Variants in MED29 observed in about 807,000 individuals in gnomAD.
MED29 encodes mediator of RNA polymerase II transcription subunit 29.
A neutral mutation model predicts 22.0 loss-of-function variants in MED29; 14 were observed. The observed-to-expected ratio is 0.64, with a 90% CI of 0.42 to 0.99. The LOEUF is 0.99. MED29 is among the 50% of genes least tolerant of loss of function. The probability of loss-of-function intolerance (pLI) is 0.00; values close to 1 mark genes in which losing one functional copy is unlikely to be tolerated. For synonymous variants in MED29, 123 were observed against 107.8 expected (o/e 1.14, Z -0.87); for missense variants, 241 against 253.7 (o/e 0.95, Z 0.34).
rs528665810 is a variant in MED29, at chr19:39,395,003, A to T, written c.360+1366A>T. ...AAAGTAGCTGGGACTACAGGCATGCACTGCCATGCCTGGCTAATTTTTGTA... is the reference window on the plus strand; with the variant it reads ...AAAGTAGCTGGGACTACAGGCATGCTCTGCCATGCCTGGCTAATTTTTGTA... On this transcript the variant is annotated intron_variant, in intron 3 of 3. Transcript: ENST00000315588. Among the ~76,000 whole-genome samples, 3 of 151,612 alleles carry T rather than the reference A, an allele frequency of 2.0e-5. No homozygotes were observed. The South Asian group carries it at 6.3e-4, about 32-fold the overall frequency.
chr19:39,393,348 G>A (rs56138629), intron 2 of MED29, among the ~76,000 whole-genome samples: 16,108 of 151,702 alleles, frequency 0.11, 1,022 homozygotes, highest in South Asian at 0.2. Context: ...TGCTCGCCTC[G>A]GACTCCCAAA....
At chr19:39,395,459 C>G (rs1185794655) in intron 3 of MED29, among the ~76,000 whole-genome samples, 1 of 152,102 alleles carries the variant, frequency 6.6e-6, no homozygotes, top group Non-Finnish European at 1.5e-5. Context: ...ATGGCAGGAT[C>G]CAAGGACGCC....
chr19:39,394,978 A>AACCACCC (rs113688915), intron 3 of MED29, among the ~76,000 whole-genome samples: 1 of 150,494 alleles, frequency 6.6e-6, no homozygotes, highest in African/African-American at 2.4e-5. Context: ...CTCCCACCTC[A>AACCACCC]AAGTAGCTGG....
In MED29 at chr19:39,399,372, A is replaced by G. The variant is rs1487093932; in HGVS notation, c.*1673A>G. ...ACACGGTGAAACCCCGACTCTACTA[A>G]AAATACAAAAAATTAGCCGGGTGTG... On this transcript the variant is annotated 3_prime_UTR_variant, in exon 4 of 4. Transcript: ENST00000315588. 1 of 152,158 alleles carries G rather than the reference A, an allele frequency of 6.6e-6. No homozygotes were observed. The highest frequency in any genetic ancestry group is 1.5e-5 in the Non-Finnish European group (1 of 68,030). 9.4% of individuals were successfully genotyped at this position (152,158 alleles called of 1,614,324 possible). A position where few individuals can be genotyped will look rare whatever the true frequency, so the allele number is the denominator to read the frequency against.
intron 3 of MED29, among the ~76,000 whole-genome samples, chr19:39,394,634 G>C (rs2078418585): frequency 7.5e-6 from 1 of 134,210 alleles, no homozygotes; most frequent in South Asian, 2.4e-4. Context: ...CGCGACTTCA[G>C]CTCACTGCAA....
rs939733047 is a variant in MED29, at chr19:39,398,629, A to C, written c.*930A>C. On this transcript the variant is annotated 3_prime_UTR_variant, in exon 4 of 4. Transcript: ENST00000315588. ...AGCAGGCACTGGGGAGGGGGCTTCAAGGAGGGAGTGCCCCCTCAGACTCCC... is the reference window on the plus strand; with the variant it reads ...AGCAGGCACTGGGGAGGGGGCTTCACGGAGGGAGTGCCCCCTCAGACTCCC... 6.6e-6 allele frequency: 1 copy of C among 152,534 alleles called. No homozygotes were observed. Among genetic ancestry groups the C allele is most frequent in the African/African-American group, 2.4e-5 (1 of 41,446 alleles). The allele number at this position is 152,534 out of a possible 1,614,324, so 9.4% of individuals were successfully genotyped here. A position where few individuals can be genotyped will look rare whatever the true frequency, so the allele number is the denominator to read the frequency against.
intron 3 of MED29, 110 bp from the exon 4 acceptor site, chr19:39,397,346 TA>T: frequency 1.6e-6 from 2 of 1,236,362 alleles, no homozygotes; most frequent in Non-Finnish European, 2.3e-6. Context: ...CCTCTGACTC[TA>T]AGACCTGGGA....
chr19:39,394,556 C>CTTTTTTTT (rs775465635), intron 3 of MED29, among the ~76,000 whole-genome samples: 1 of 69,210 alleles, frequency 1.4e-5, no homozygotes, highest in Non-Finnish European at 2.5e-5. Flanking sequence ...TGCACCCGGC[C>CTTTTTTTT]TTTTTTTTTT....
At chr19:39,392,588 T>G (rs2078395848) in intron 2 of MED29, 66 bp downstream of exon 2, 1 of 1,415,802 alleles carries the variant, frequency 7.1e-7, no homozygotes, top group Non-Finnish European at 9.9e-7. Context: ...CATCTTTCCT[T>G]CTCCTGCTCC....
chr19:39,392,477 T>C lies in MED29; in HGVS notation c.230T>C (p.Val77Ala), dbSNP rs1439617364. Reference protein sequence around the residue: ...LKESLQTLMKVAAQNLIQNTN... With the variant: ...LKESLQTLMKAAAQNLIQNTN... ...TGTTTTGACTAGACCTTGATGAAGGTTGCGGCCCAAAACTTGATTCAGAAC... is the reference window on the plus strand; with the variant it reads ...TGTTTTGACTAGACCTTGATGAAGGCTGCGGCCCAAAACTTGATTCAGAAC... Residue 77 changes from valine (V) to alanine (A), a missense_variant, in exon 2 of 4, where the codon GTT becomes GCT. By Grantham distance (64) the Val-to-Ala change is moderately conservative. Transcript: ENST00000315588. The C allele has an allele frequency of 2.5e-6, 4 of 1,614,016 alleles. No homozygotes were observed. Among genetic ancestry groups the C allele is most frequent in the Non-Finnish European group, 2.5e-6 (3 of 1,180,004 alleles).
chr19:39,400,529 C>T lies in MED29; in HGVS notation c.*2830C>T, dbSNP rs1309563855. ...CATCTGCATATGGAGAATCGTGTTA[C>T]TTTATTGAAAAACATTAAAAGTTTG... On this transcript the variant is annotated 3_prime_UTR_variant, in exon 4 of 4. Coordinates refer to ENST00000315588, the MANE Select transcript of MED29 (RefSeq NM_017592.4). The T allele has an allele frequency of 6.6e-6, 1 of 152,148 alleles. No individual in the cohort carries two copies. Among genetic ancestry groups the T allele is most frequent in the African/African-American group, 2.4e-5 (1 of 41,424 alleles). The allele number at this position is 152,148 out of a possible 1,614,324, so 9.4% of individuals were successfully genotyped here.
intron 2 of MED29, among the ~76,000 whole-genome samples, chr19:39,393,068 CTTTCTTTCTTTTCTTTTTTTTTTTTTTT>C (rs2078404938): frequency 4.6e-5 from 4 of 87,562 alleles, no homozygotes; most frequent in Non-Finnish European, 7.0e-5. Flanking sequence ...TTCTTTCTTT[CTTTCTTTCTTTTCTTTTTTTTTTTTTTT>C]TTTTTTTTTT....
At chr19:39,393,351 C>T (rs1319540871) in intron 2 of MED29, among the ~76,000 whole-genome samples, 1 of 152,064 alleles carries the variant, frequency 6.6e-6, no homozygotes, top group African/African-American at 2.4e-5. Context: ...TCGCCTCGGA[C>T]TCCCAAAGTG....
intron 3 of MED29, 119 bp from the exon 4 acceptor site, chr19:39,397,338 T>G: frequency 2.6e-6 from 3 of 1,132,676 alleles, no homozygotes; most frequent in Non-Finnish European, 3.8e-6. Flanking sequence ...AGGGCCAACC[T>G]CTGACTCTAA....
At position 39,397,844 on chromosome 19, in the gene MED29, C is replaced by T. The variant is rs2078438097; in HGVS notation, c.*145C>T. On this transcript the variant is annotated 3_prime_UTR_variant, in exon 4 of 4. Coordinates refer to ENST00000315588, the MANE Select transcript of MED29 (RefSeq NM_017592.4). ...GCCAGCAGGGGGCAGCAGAGGCCAACAGGGAGCTCGCAGGCCGGGCCCCTG... is the reference window on the plus strand; with the variant it reads ...GCCAGCAGGGGGCAGCAGAGGCCAATAGGGAGCTCGCAGGCCGGGCCCCTG... 1 of 1,371,924 alleles carries T rather than the reference C, an allele frequency of 7.3e-7. No individual in the cohort carries two copies. Among genetic ancestry groups the T allele is most frequent in the East Asian group, 2.5e-5 (1 of 39,698 alleles). The allele number at this position is 1,371,924 out of a possible 1,614,324, so 85.0% of individuals were successfully genotyped here.
chr19:39,399,559 A>C lies in MED29; in HGVS notation c.*1860A>C, dbSNP rs2078450366. 1 of 152,254 alleles carries C rather than the reference A, an allele frequency of 6.6e-6. No homozygotes were observed. Among genetic ancestry groups the C allele is most frequent in the Non-Finnish European group, 1.5e-5 (1 of 68,030 alleles). The allele number at this position is 152,254 out of a possible 1,614,324, so 9.4% of individuals were successfully genotyped here. On this transcript the variant is annotated 3_prime_UTR_variant, in exon 4 of 4. Coordinates refer to ENST00000315588, the MANE Select transcript of MED29 (RefSeq NM_017592.4). ...AAAAAAAATAAAAAACTGACCATCT[A>C]GTCCTTGTCATCTGGGCACCCTCAC...
chr19:39,399,008 G>A lies in MED29; in HGVS notation c.*1309G>A, dbSNP rs1019617691. On this transcript the variant is annotated 3_prime_UTR_variant, in exon 4 of 4. Transcript: ENST00000315588. ...GTGCCCGAGCATGTAGGGCAAGAAG[G>A]AAGGCTGAAGCGCTGTCCCTAGGAG... The A allele has an allele frequency of 2.6e-5, 4 of 152,222 alleles. No individual in the cohort carries two copies. Among genetic ancestry groups the A allele is most frequent in the African/African-American group, 9.7e-5 (4 of 41,450 alleles). The allele number at this position is 152,222 out of a possible 1,614,324, so 9.4% of individuals were successfully genotyped here. A position where few individuals can be genotyped will look rare whatever the true frequency, so the allele number is the denominator to read the frequency against.
Position 39,398,088 on chromosome 19 carries a change from T to C in MED29, c.*389T>C, listed in dbSNP as rs990617039. 2.2e-5 allele frequency: 9 copies of C among 417,152 alleles called. No individual in the cohort carries two copies. The highest frequency in any genetic ancestry group is 3.0e-5 in the Non-Finnish European group (7 of 232,412). 25.8% of individuals were successfully genotyped at this position (417,152 alleles called of 1,614,324 possible). On this transcript the variant is annotated 3_prime_UTR_variant, in exon 4 of 4. Coordinates refer to ENST00000315588, the MANE Select transcript of MED29 (RefSeq NM_017592.4). ...CTCTATTACAGTTGTGTCTCTCTCA[T>C]CCTGTCTCTTTTTCCCTTGTTTCTC...
chr19:39,392,129 G>T (rs760024479), intron 1 of MED29, among the ~76,000 whole-genome samples: 1 of 152,224 alleles, frequency 6.6e-6, no homozygotes, highest in African/African-American at 2.4e-5. Context: ...ACTGGCCGGA[G>T]CTTGAGTGAG....
Sources: allele counts gnomAD v4.1 joint callset (sites outside exome capture counted in the v4.1 genomes callset), GRCh38; gene constraint gnomAD v4.1.1; transcripts MANE v1.5; gene names NCBI Gene and HGNC (gene_info 2026-07-23, HGNC 2026-07-21).